The following CPEB1 variants were observed in gnomAD, a reference collection of about 807,000 sequenced individuals.
CPEB1 encodes the protein cytoplasmic polyadenylation element-binding protein 1.
In CPEB1, 7 loss-of-function variants were observed where a neutral mutation model predicts 65.8. That is an observed-to-expected ratio of 0.11 (90% CI 0.06 to 0.20). CPEB1 has a LOEUF of 0.20. Among genes scored for constraint, CPEB1 ranks in the 10% least tolerant of loss-of-function variants. The pLI, the probability that CPEB1 is intolerant of heterozygous loss-of-function variation, is 1.00. For synonymous variants in CPEB1, 262 were observed against 260.0 expected, an observed-to-expected ratio of 1.01 and a Z score of -0.08; for missense variants, 551 against 712.2, an observed-to-expected ratio of 0.77 and a Z score of 2.58.
intron 5 of CPEB1, among the ~76,000 whole-genome samples, chr15:82,557,115 T>C (rs772082199): frequency 2.0e-5 from 3 of 152,200 alleles, no homozygotes; most frequent in Non-Finnish European, 4.4e-5. Flanking sequence ...TACTAATCTA[T>C]CTATAATATC....
intron 1 of CPEB1, among the ~76,000 whole-genome samples, chr15:82,644,093 T>C (rs978959723): frequency 2.0e-5 from 3 of 152,204 alleles, no homozygotes; most frequent in African/African-American, 4.8e-5. Context: ...GACCTCCGGC[T>C]CTCAGGATCA....
chr15:82,596,696 TCAA>T (rs2042691259), intron 3 of CPEB1, among the ~76,000 whole-genome samples: 1 of 62,608 alleles, frequency 1.6e-5, no homozygotes, highest in African/African-American at 9.0e-5. Context: ...AGACTCTGTC[TCAA>T]AAAAAAAAAA....
rs1023833002 is a variant in CPEB1, at chr15:82,636,393, TCTCCA to T, written c.-97-7842_-97-7838del. On this transcript the variant is annotated intron_variant, in intron 1 of 12. Coordinates refer to ENST00000684509, the MANE Select transcript of CPEB1 (RefSeq NM_001365242.1). The stretch of plus-strand genomic sequence containing the variant: ...TTGTAGGATCTGACCCTTCAGCTAT[TCTCCA>T]CTCAAGTCAGGAATCACTTTCTCCT... Among the ~76,000 whole-genome samples, 19 of 152,268 alleles carry T rather than the reference TCTCCA, an allele frequency of 1.2e-4. 1 individual carries two copies. Among genetic ancestry groups the T allele is most frequent in the African/African-American group, 3.9e-4 (16 of 41,552 alleles).
At chr15:82,549,734 G>T (rs1384961235) in intron 9 of CPEB1, 76 bp from the exon 10 acceptor site, 27 of 1,388,522 alleles carry the variant, frequency 1.9e-5, no homozygotes, top group African/African-American at 4.3e-5. Context: ...CAAGGTACGT[G>T]CTCTGGAGAT....
intron 4 of CPEB1, among the ~76,000 whole-genome samples, chr15:82,560,772 C>T (rs1437877325): frequency 6.6e-6 from 1 of 151,996 alleles, no homozygotes; most frequent in Non-Finnish European, 1.5e-5. Flanking sequence ...AGAAGGCTGA[C>T]CAGGGAAACT....
At chr15:82,620,282 G>T (rs894688690) in intron 3 of CPEB1, among the ~76,000 whole-genome samples, 1 of 151,948 alleles carries the variant, frequency 6.6e-6, no homozygotes, top group Non-Finnish European at 1.5e-5. Context: ...AAAATTAGCC[G>T]GGTGTGGTGG....
At chr15:82,616,224 A>G (rs1443712333) in intron 3 of CPEB1, among the ~76,000 whole-genome samples, 2 of 152,032 alleles carry the variant, frequency 1.3e-5, no homozygotes, top group African/African-American at 4.8e-5. Context: ...GCATGAGTGT[A>G]TTTGTTTTGT....
chr15:82,597,886 A>C (rs2042783072), intron 3 of CPEB1, among the ~76,000 whole-genome samples: 1 of 152,230 alleles, frequency 6.6e-6, no homozygotes, highest in Admixed American at 6.5e-5. Flanking sequence ...AAGAAGACTT[A>C]ACAAAATAGG....
intron 3 of CPEB1, among the ~76,000 whole-genome samples, chr15:82,592,684 C>T (rs116407112): frequency 0.012 from 1,834 of 151,886 alleles, 34 homozygotes; most frequent in African/African-American, 0.042. Context: ...CACTTCATTG[C>T]TAAAGAATCC....
chr15:82,581,749 T>A (rs977044011), intron 3 of CPEB1, among the ~76,000 whole-genome samples: 1 of 152,224 alleles, frequency 6.6e-6, no homozygotes, highest in Non-Finnish European at 1.5e-5. Context: ...TTTTTAAAAA[T>A]CTCCCCGACA....
At chr15:82,614,470 A>C (rs2044495680) in intron 3 of CPEB1, among the ~76,000 whole-genome samples, 1 of 152,232 alleles carries the variant, frequency 6.6e-6, no homozygotes, top group African/African-American at 2.4e-5. Flanking sequence ...ATGATAATCT[A>C]AGTAATCACT....
At chr15:82,645,685 T>A (rs962095410) in intron 1 of CPEB1, among the ~76,000 whole-genome samples, 6 of 151,970 alleles carry the variant, frequency 3.9e-5, no homozygotes, top group East Asian at 2.0e-4. Flanking sequence ...CTGGCTAACA[T>A]GCTGAAACCC....
intron 4 of CPEB1, among the ~76,000 whole-genome samples, chr15:82,566,919 C>T (rs966792413): frequency 2.0e-5 from 3 of 152,058 alleles, no homozygotes; most frequent in Non-Finnish European, 4.4e-5. Context: ...AAGAATCTGT[C>T]CATCCAGCTA....
chr15:82,628,078 T>TA, intron 2 of CPEB1: 1 of 634,206 alleles, frequency 1.6e-6, no homozygotes, highest in South Asian at 1.9e-5. Context: ...AAAGGATTGT[T>TA]AATGCTGTGG....
At chr15:82,636,999 C>G (rs897791716) in intron 1 of CPEB1, among the ~76,000 whole-genome samples, 3 of 152,168 alleles carry the variant, frequency 2.0e-5, no homozygotes, top group Non-Finnish European at 4.4e-5. Context: ...AACAAAGGCT[C>G]CAGAGTTGTC....
At chr15:82,607,057 G>C (rs577221073) in intron 3 of CPEB1, among the ~76,000 whole-genome samples, 1 of 152,128 alleles carries the variant, frequency 6.6e-6, no homozygotes, top group South Asian at 2.1e-4. Context: ...AAATGTCATA[G>C]GATTTTATAC....
intron 9 of CPEB1, 67 bp downstream of exon 9, chr15:82,552,413 C>T: frequency 6.8e-7 from 1 of 1,469,564 alleles, no homozygotes; most frequent in South Asian, 1.4e-5. Flanking sequence ...ATCCACCTAC[C>T]ACAAGAAAAT....
At chr15:82,627,693 T>C (rs2045889713) in intron 2 of CPEB1, among the ~76,000 whole-genome samples, 1 of 152,174 alleles carries the variant, frequency 6.6e-6, no homozygotes, top group Admixed American at 6.5e-5. Context: ...ATTGCCTTTA[T>C]CTATAAAGCT....
intron 3 of CPEB1, among the ~76,000 whole-genome samples, chr15:82,582,225 C>CCA (rs1410296745): frequency 6.6e-6 from 1 of 152,164 alleles, no homozygotes; most frequent in African/African-American, 2.4e-5. Flanking sequence ...CCAACATACC[C>CCA]CACATTTTAC....
Sources: allele counts gnomAD v4.1 joint callset (sites outside exome capture counted in the v4.1 genomes callset), GRCh38; gene constraint gnomAD v4.1.1; transcripts MANE v1.5; gene names NCBI Gene and HGNC (gene_info 2026-07-23, HGNC 2026-07-21).